Variants in MED13 observed in about 807,000 individuals in gnomAD.
The protein encoded by MED13 is mediator of RNA polymerase II transcription subunit 13.
In MED13, 23 loss-of-function variants were observed where a neutral mutation model predicts 225.2. The ratio of observed to expected loss-of-function variants is 0.10; its 90% CI spans 0.07 to 0.14. The LOEUF (loss-of-function observed/expected upper bound fraction) is 0.14. Ranked by LOEUF, MED13 falls within the 10% of genes least tolerant of loss-of-function variation. The pLI, the probability that MED13 is intolerant of heterozygous loss-of-function variation, is 1.00. For missense variants in MED13, 2,197 were observed against 2,594.5 expected, an observed-to-expected ratio of 0.85 and a Z score of 3.33; for synonymous variants, 942 against 889.2, an observed-to-expected ratio of 1.06 and a Z score of -1.06.
intron 11 of MED13, among the ~76,000 whole-genome samples, chr17:61,992,242 G>A (rs577550219): frequency 2.6e-5 from 4 of 152,064 alleles, no homozygotes; most frequent in East Asian, 3.9e-4. Context: ...TTCCTTTCAC[G>A]TAATTCCCAG....
At chr17:61,971,803 G>A (rs1046269382) in intron 17 of MED13, among the ~76,000 whole-genome samples, 5 of 151,808 alleles carry the variant, frequency 3.3e-5, no homozygotes, top group Admixed American at 6.6e-5. Flanking sequence ...GCATGGTGGC[G>A]TGCACCCATA....
chr17:62,039,513 C>T lies in MED13; in HGVS notation c.471-3905G>A, dbSNP rs1250869557. ...GGCCAGGCTGGTCTCAAACTCCTGA[C>T]CTCAAGTGATCTGCCTACCTCGGCC... is the stretch of plus-strand genomic sequence containing the variant. On this transcript the variant is annotated intron_variant, in intron 3 of 29. Coordinates refer to ENST00000397786, the MANE Select transcript of MED13 (RefSeq NM_005121.3). Among the ~76,000 whole-genome samples, 5 of 151,850 alleles carry T rather than the reference C, an allele frequency of 3.3e-5. No homozygotes were observed. The East Asian group carries it at 9.7e-4, about 29-fold the overall frequency.
At chr17:61,986,129 A>G (rs1159637143) in intron 12 of MED13, among the ~76,000 whole-genome samples, 4 of 152,196 alleles carry the variant, frequency 2.6e-5, no homozygotes, top group African/African-American at 9.7e-5. Flanking sequence ...TAGTAGAGAG[A>G]AAGTATGAAT....
chr17:61,986,518 T>G (rs896535299), intron 12 of MED13, among the ~76,000 whole-genome samples: 1 of 152,210 alleles, frequency 6.6e-6, no homozygotes, highest in Non-Finnish European at 1.5e-5. Flanking sequence ...AAATATTATT[T>G]TTTTCCTCTT....
intron 10 of MED13, among the ~76,000 whole-genome samples, chr17:61,993,723 A>G (rs991319430): frequency 6.6e-6 from 1 of 151,804 alleles, no homozygotes; most frequent in Non-Finnish European, 1.5e-5. Context: ...TGAGGTCAGC[A>G]GTTCAAGACC....
At chr17:62,008,275 G>T (rs937171998) in intron 9 of MED13, among the ~76,000 whole-genome samples, 1 of 127,364 alleles carries the variant, frequency 7.9e-6, no homozygotes, top group East Asian at 2.8e-4. Flanking sequence ...CAGGGATCGC[G>T]CAACTGTACT....
chr17:62,001,723 A>G (rs2080396899), intron 9 of MED13, among the ~76,000 whole-genome samples: 1 of 152,280 alleles, frequency 6.6e-6, no homozygotes, highest in South Asian at 2.1e-4. Flanking sequence ...TGTCTGTACT[A>G]TATTTTATTT....
At chr17:61,950,778 G>C in intron 28 of MED13, 47 bp downstream of exon 28, 1 of 1,558,784 alleles carries the variant, frequency 6.4e-7, no homozygotes. Context: ...TCAGGACTTA[G>C]GCTGTCAATC....
chr17:61,963,032 A>G (rs2080016989), intron 20 of MED13, 61 bp from the exon 21 acceptor site: 1 of 1,446,734 alleles, frequency 6.9e-7, no homozygotes, highest in Admixed American at 1.7e-5. Context: ...GGTAGCATCT[A>G]AGCAGGTTCT....
intron 9 of MED13, among the ~76,000 whole-genome samples, chr17:62,001,822 C>T (rs150747638): frequency 6.6e-6 from 1 of 152,196 alleles, no homozygotes. Context: ...CTAACAGTGC[C>T]CCACAGCATC....
chr17:61,954,970 T>C (rs75065851), intron 26 of MED13, among the ~76,000 whole-genome samples: 47 of 152,294 alleles, frequency 3.1e-4, no homozygotes, highest in African/African-American at 1.0e-3. Context: ...ATCAGTTTCG[T>C]TGGACTGCAA....
chr17:62,047,822 G>A (rs1242153729), intron 3 of MED13, among the ~76,000 whole-genome samples: 1 of 151,592 alleles, frequency 6.6e-6, no homozygotes. Flanking sequence ...CAAACTCCTG[G>A]TCTCAAGCCA....
rs374324907 is a variant in MED13, at chr17:62,053,480, A to G, written c.302-775T>C. 3.3e-5 allele frequency among the ~76,000 whole-genome samples: 5 copies of G among 152,330 alleles called. No individual in the cohort carries two copies. The South Asian group carries it at 6.2e-4, about 19-fold the overall frequency. On this transcript the variant is annotated intron_variant, in intron 2 of 29. Coordinates refer to ENST00000397786, the MANE Select transcript of MED13 (RefSeq NM_005121.3). ...AAAACATTAACACAGTCATTTTGAG[A>G]TAAGTCTGGATGTAGGTCAGAAAAA...
At chr17:61,948,509 T>G (rs556046605) in intron 28 of MED13, among the ~76,000 whole-genome samples, 22 of 152,112 alleles carry the variant, frequency 1.4e-4, no homozygotes, top group Non-Finnish European at 2.4e-4. Context: ...CTATCTTATT[T>G]ACCTCTGTTT....
intron 17 of MED13, among the ~76,000 whole-genome samples, chr17:61,970,679 C>CAAAAA (rs10600340): frequency 1.5e-4 from 7 of 46,924 alleles, no homozygotes; most frequent in African/African-American, 5.1e-4. Flanking sequence ...GAGACTGTCT[C>CAAAAA]AAAAAAAAAA....
chr17:61,969,580 T>C (rs1279225448), intron 17 of MED13, among the ~76,000 whole-genome samples: 1 of 152,072 alleles, frequency 6.6e-6, no homozygotes, highest in Non-Finnish European at 1.5e-5. Flanking sequence ...GCAGATCTCA[T>C]GTTAAGTGTT....
intron 2 of MED13, among the ~76,000 whole-genome samples, chr17:62,060,146 A>G (rs550904169): frequency 1.3e-5 from 2 of 152,188 alleles, no homozygotes; most frequent in East Asian, 3.9e-4. Flanking sequence ...ACAAAAAATT[A>G]GCCGAGTGTG....
chr17:61,985,741 A>G (rs2080242108), intron 12 of MED13, among the ~76,000 whole-genome samples: 1 of 152,198 alleles, frequency 6.6e-6, no homozygotes, highest in Admixed American at 6.5e-5. Context: ...GCTTCTTGGT[A>G]AAAGATACTT....
chr17:62,040,607 T>C lies in MED13; in HGVS notation c.471-4999A>G, dbSNP rs1453774260. Among the ~76,000 whole-genome samples the C allele has an allele frequency of 2.6e-5, 4 of 152,318 alleles. No individual in the cohort carries two copies. In the South Asian group the frequency reaches 6.2e-4, roughly 24 times the overall value. On this transcript the variant is annotated intron_variant, in intron 3 of 29. Coordinates refer to ENST00000397786, the MANE Select transcript of MED13 (RefSeq NM_005121.3). ...AGAAAAATGATATCCCATTTGCCAGTAGAGAATCCGAGGCACAAAGAGGTT... is the reference window on the plus strand; with the variant it reads ...AGAAAAATGATATCCCATTTGCCAGCAGAGAATCCGAGGCACAAAGAGGTT...
Sources: gnomAD v4.1 joint callset for allele counts (sites outside exome capture counted in the v4.1 genomes callset) on GRCh38, gnomAD v4.1.1 for gene constraint, MANE v1.5 for transcripts, NCBI Gene and HGNC (gene_info 2026-07-23, HGNC 2026-07-21) for gene names.